The following THSD4 variants were observed in gnomAD, a reference collection of about 807,000 sequenced individuals.
THSD4 encodes the protein thrombospondin type 1 domain containing 4, also known as thrombospondin type-1 domain-containing protein 4.
Under a neutral mutation model 119.0 loss-of-function variants are expected in THSD4, and 69 were observed. The ratio of observed to expected loss-of-function variants is 0.58; its 90% CI spans 0.48 to 0.71. The LOEUF is 0.71. Among genes scored for constraint, THSD4 ranks in the 30% least tolerant of loss-of-function variants. The pLI, the probability that THSD4 is intolerant of heterozygous loss-of-function variation, is 0.00. For missense variants in THSD4, 1,393 were observed against 1,391.1 expected, an observed-to-expected ratio of 1.00 and a Z score of -0.02; for synonymous variants, 524 against 540.4, an observed-to-expected ratio of 0.97 and a Z score of 0.42.
chr15:71,341,833 T>A (rs2045582580), intron 6 of THSD4: 6 of 686,426 alleles, frequency 8.7e-6, no homozygotes, highest in Non-Finnish European at 1.6e-5. Flanking sequence ...TTGGTTTATT[T>A]CCACCTACTA....
chr15:71,575,639 A>G (rs371459154), intron 7 of THSD4, among the ~76,000 whole-genome samples: 8 of 152,322 alleles, frequency 5.3e-5, no homozygotes, highest in African/African-American at 1.9e-4. Context: ...TATTTTGGAA[A>G]GCCTGTAGTT....
chr15:71,495,553 C>A (rs1156944742), intron 7 of THSD4, among the ~76,000 whole-genome samples: 1 of 152,154 alleles, frequency 6.6e-6, no homozygotes, highest in African/African-American at 2.4e-5. Context: ...ACATTCTTCC[C>A]TGTGCTCGGG....
intron 6 of THSD4, among the ~76,000 whole-genome samples, chr15:71,353,685 C>T (rs1190106626): frequency 6.6e-6 from 1 of 152,102 alleles, no homozygotes; most frequent in Non-Finnish European, 1.5e-5. Flanking sequence ...GTCTGTTAGC[C>T]CAAAGAAAGA....
At chr15:71,325,972 G>A (rs1482364888) in intron 6 of THSD4, among the ~76,000 whole-genome samples, 2 of 152,220 alleles carry the variant, frequency 1.3e-5, no homozygotes, top group South Asian at 2.1e-4. Flanking sequence ...ATACATTATG[G>A]GAAATCCTCT....
intron 7 of THSD4, among the ~76,000 whole-genome samples, chr15:71,567,951 C>A (rs946242850): frequency 1.3e-5 from 2 of 152,122 alleles, no homozygotes; most frequent in African/African-American, 4.8e-5. Context: ...ACCCACCTTA[C>A]CCTTTATTTC....
intron 7 of THSD4, among the ~76,000 whole-genome samples, chr15:71,580,539 A>T (rs951534779): frequency 1.3e-5 from 2 of 152,166 alleles, no homozygotes; most frequent in Non-Finnish European, 2.9e-5. Flanking sequence ...ATACAGTATC[A>T]TTAACTATAG....
Position 71,358,172 on chromosome 15 carries a change from G to A in THSD4, c.1016-53515G>A, listed in dbSNP as rs535201612. On this transcript the variant is annotated intron_variant, in intron 6 of 17. Coordinates refer to ENST00000261862, the MANE Select transcript of THSD4 (RefSeq NM_024817.3). ...AAGGGCTTAGTCACATTTGGCTGGA[G>A]AGCCTCAAAGGTGTCTCTCTCACCC... 1.6e-3 allele frequency among the ~76,000 whole-genome samples: 240 copies of A among 152,308 alleles called. 2 individuals carry two copies. The highest frequency in any genetic ancestry group is 6.8e-3 in the Middle Eastern group (2 of 294).
At chr15:71,437,649 G>T in intron 7 of THSD4, among the ~76,000 whole-genome samples, 1 of 152,146 alleles carries the variant, frequency 6.6e-6, no homozygotes, top group East Asian at 1.9e-4. Context: ...TCGGGTATTG[G>T]TTTCTGAGCC....
intron 7 of THSD4, among the ~76,000 whole-genome samples, chr15:71,470,094 A>G (rs376381227): frequency 2.6e-5 from 4 of 152,372 alleles, no homozygotes; most frequent in Admixed American, 2.6e-4. Flanking sequence ...GGCAATAAGT[A>G]TAAGAGGTTC....
intron 6 of THSD4, among the ~76,000 whole-genome samples, chr15:71,363,007 C>T (rs933948944): frequency 2.7e-5 from 4 of 150,640 alleles, no homozygotes; most frequent in South Asian, 2.1e-4. Context: ...AAAGAAATCT[C>T]GTAATGTTTT....
intron 6 of THSD4, among the ~76,000 whole-genome samples, chr15:71,291,747 T>C (rs1596318035): frequency 6.6e-6 from 1 of 152,336 alleles, no homozygotes; most frequent in Non-Finnish European, 1.5e-5. Context: ...AGTTGACACA[T>C]AAAATTAATC....
intron 4 of THSD4, among the ~76,000 whole-genome samples, chr15:71,235,205 G>A (rs2044094123): frequency 6.6e-6 from 1 of 152,194 alleles, no homozygotes; most frequent in Non-Finnish European, 1.5e-5. Context: ...CTGGCATTGA[G>A]GCAGCCCTCA....
chr15:71,357,276 A>C (rs2045828360), intron 6 of THSD4, among the ~76,000 whole-genome samples: 2 of 152,222 alleles, frequency 1.3e-5, no homozygotes, highest in African/African-American at 4.8e-5. Context: ...TCTGCACTGC[A>C]GGGACTCTAA....
At chr15:71,359,257 A>G (rs1278793729) in intron 6 of THSD4, among the ~76,000 whole-genome samples, 1 of 152,188 alleles carries the variant, frequency 6.6e-6, no homozygotes, top group Non-Finnish European at 1.5e-5. Context: ...AACGTGCTTA[A>G]AACTCTTTTC....
chr15:71,290,662 G>T (rs2044778108), intron 6 of THSD4, among the ~76,000 whole-genome samples: 1 of 152,106 alleles, frequency 6.6e-6, no homozygotes, highest in African/African-American at 2.4e-5. Context: ...AAGTATTTTG[G>T]TCATAATACA....
At chr15:71,370,801 T>G (rs549517551) in intron 6 of THSD4, among the ~76,000 whole-genome samples, 2 of 152,216 alleles carry the variant, frequency 1.3e-5, no homozygotes, top group Non-Finnish European at 2.9e-5. Context: ...TTAGGTCCAC[T>G]TGGTGCAGAG....
intron 3 of THSD4, among the ~76,000 whole-genome samples, chr15:71,199,285 T>C (rs544510904): frequency 3.9e-4 from 59 of 152,324 alleles, no homozygotes; most frequent in African/African-American, 1.4e-3. Context: ...GCGATGGCCA[T>C]GCTCTGGGGA....
chr15:71,394,332 G>A (rs1397245525), intron 6 of THSD4, among the ~76,000 whole-genome samples: 1 of 141,112 alleles, frequency 7.1e-6, no homozygotes, highest in African/African-American at 2.6e-5. Context: ...GAGTGCAGTC[G>A]TGCAATCTTG....
chr15:71,543,749 C>T (rs779767099), intron 7 of THSD4, among the ~76,000 whole-genome samples: 2 of 152,072 alleles, frequency 1.3e-5, no homozygotes, highest in Non-Finnish European at 2.9e-5. Flanking sequence ...AGATGTGGGC[C>T]GGGTGTGGTG....
Sources: gnomAD v4.1 joint callset for allele counts (sites outside exome capture counted in the v4.1 genomes callset) on GRCh38, gnomAD v4.1.1 for gene constraint, MANE v1.5 for transcripts, NCBI Gene and HGNC (gene_info 2026-07-23, HGNC 2026-07-21) for gene names.